The following ATP8B4 variants were observed in gnomAD, a reference collection of about 807,000 sequenced individuals.
ATP8B4 encodes the protein ATPase phospholipid transporting 8B4 (putative).
A neutral mutation model predicts 145.6 loss-of-function variants in ATP8B4; 133 were observed. The ratio of observed to expected loss-of-function variants is 0.91; its 90% CI spans 0.79 to 1.05. ATP8B4 has a LOEUF of 1.05. ATP8B4 is among the 50% of genes least tolerant of loss of function. The pLI, the probability that ATP8B4 is intolerant of heterozygous loss-of-function variation, is 0.00. For synonymous variants in ATP8B4, 507 were observed against 492.9 expected (o/e 1.03, Z -0.38); for missense variants, 1,458 against 1,425.2 (o/e 1.02, Z -0.37).
At chr15:49,891,481 C>T (rs947866296) in intron 23 of ATP8B4, among the ~76,000 whole-genome samples, 2 of 151,926 alleles carry the variant, frequency 1.3e-5, no homozygotes, top group Non-Finnish European at 2.9e-5. Flanking sequence ...ACGCTCCACC[C>T]CGTCCAGCTA....
intron 14 of ATP8B4, among the ~76,000 whole-genome samples, chr15:49,953,117 C>T (rs1468763351): frequency 6.6e-6 from 1 of 152,064 alleles, no homozygotes; most frequent in African/African-American, 2.4e-5. Context: ...CGAGGGGCAC[C>T]AACCTGATGC....
At chr15:50,057,361 T>G (rs1461820648) in intron 3 of ATP8B4, among the ~76,000 whole-genome samples, 1 of 152,224 alleles carries the variant, frequency 6.6e-6, no homozygotes, top group African/African-American at 2.4e-5. Context: ...TTGTGAGGGT[T>G]GCCCATAAAA....
chr15:49,923,602 AG>A (rs768070796), intron 16 of ATP8B4, 108 bp from the exon 17 acceptor site: 1 of 686,750 alleles, frequency 1.5e-6, no homozygotes, highest in Non-Finnish European at 2.4e-6. Flanking sequence ...ATAATGTTTT[AG>A]CCAGTAGTAA....
chr15:49,952,477 T>C (rs916645402), intron 14 of ATP8B4, among the ~76,000 whole-genome samples: 7 of 152,188 alleles, frequency 4.6e-5, no homozygotes, highest in African/African-American at 1.7e-4. Flanking sequence ...TTCTTCTGTT[T>C]AGTCAATTCG....
At chr15:49,898,021 A>T in intron 22 of ATP8B4, 47 bp downstream of exon 22, 1 of 1,590,106 alleles carries the variant, frequency 6.3e-7, no homozygotes, top group South Asian at 1.1e-5. Flanking sequence ...GCTGAAACTG[A>T]GGACCCCATG....
intron 1 of ATP8B4, among the ~76,000 whole-genome samples, chr15:50,132,263 T>C (rs1008913753): frequency 6.6e-6 from 1 of 152,194 alleles, no homozygotes; most frequent in Non-Finnish European, 1.5e-5. Context: ...ATTAATTAGA[T>C]ATGGATTCTT....
At chr15:50,019,646 T>G (rs2049373908) in intron 6 of ATP8B4, among the ~76,000 whole-genome samples, 1 of 152,232 alleles carries the variant, frequency 6.6e-6, no homozygotes, top group African/African-American at 2.4e-5. Flanking sequence ...TGACTGTCCA[T>G]GCTTTCTCCA....
chr15:49,932,981 A>C (rs1855375509), intron 15 of ATP8B4, among the ~76,000 whole-genome samples: 1 of 152,112 alleles, frequency 6.6e-6, no homozygotes, highest in Non-Finnish European at 1.5e-5. Flanking sequence ...TTCTGAATTC[A>C]CAATATCTAG....
chr15:49,876,536 T>C lies in ATP8B4; in HGVS notation c.2782-13A>G. 2 of 1,613,636 alleles carry C rather than the reference T, an allele frequency of 1.2e-6. No individual in the cohort carries two copies. The highest frequency in any genetic ancestry group is 8.5e-7 in the Non-Finnish European group (1 of 1,179,720). On this transcript the variant is annotated splice_polypyrimidine_tract_variant and intron_variant, in intron 24 of 27. Coordinates refer to ENST00000284509, the MANE Select transcript of ATP8B4 (RefSeq NM_024837.4). Reference sequence around the variant, plus strand: ...GGTCACTCACATCCTGTAAACAGAGTGTAATTTCAGTGGAGAAGGATTAAA... The same window carrying C: ...GGTCACTCACATCCTGTAAACAGAGCGTAATTTCAGTGGAGAAGGATTAAA...
chr15:50,150,404 T>C (rs2044333025), intron 1 of ATP8B4, among the ~76,000 whole-genome samples: 2 of 152,164 alleles, frequency 1.3e-5, no homozygotes, highest in South Asian at 4.1e-4. Context: ...TTCTGAGAAC[T>C]TTCACACTTC....
chr15:49,948,176 T>C (rs2042740756), intron 14 of ATP8B4, among the ~76,000 whole-genome samples: 1 of 151,792 alleles, frequency 6.6e-6, no homozygotes, highest in Non-Finnish European at 1.5e-5. Flanking sequence ...CAATGGCTTA[T>C]GCCTGTAATC....
chr15:49,903,557 G>A (rs893714934), intron 20 of ATP8B4, among the ~76,000 whole-genome samples: 1 of 152,188 alleles, frequency 6.6e-6, no homozygotes, highest in African/African-American at 2.4e-5. Context: ...AAAAAGAGTC[G>A]TTTAGTCAGT....
chr15:50,017,805 C>T (rs920674187), intron 6 of ATP8B4, among the ~76,000 whole-genome samples: 7 of 152,146 alleles, frequency 4.6e-5, no homozygotes, highest in Admixed American at 1.3e-4. Flanking sequence ...TCTGATTTTA[C>T]AGCACAAAGT....
At chr15:49,881,615 A>G (rs1244191609) in intron 23 of ATP8B4, among the ~76,000 whole-genome samples, 1 of 152,204 alleles carries the variant, frequency 6.6e-6, no homozygotes, top group Non-Finnish European at 1.5e-5. Context: ...ATGTGGCATG[A>G]GAGAACCTGC....
At chr15:49,886,232 C>T (rs2036170449) in intron 23 of ATP8B4, among the ~76,000 whole-genome samples, 1 of 152,022 alleles carries the variant, frequency 6.6e-6, no homozygotes, top group South Asian at 2.1e-4. Context: ...AGTCGGCAGA[C>T]AGAACTGTGT....
Position 49,972,711 on chromosome 15 carries a change from C to T in ATP8B4, c.1114G>A (p.Ala372Thr). 2 of 1,613,996 alleles carry T rather than the reference C, an allele frequency of 1.2e-6. No homozygotes were observed. Among genetic ancestry groups the T allele is most frequent in the South Asian group, 1.1e-5 (1 of 91,072 alleles). Residue 372 changes from alanine to threonine, a missense_variant, in exon 13 of 28, where the codon GCA (alanine) becomes ACA (threonine). Transcript: ENST00000284509. ...KMYYSRKAIPAVARTTTLNEE... is the reference protein window; with the variant it reads ...KMYYSRKAIPTVARTTTLNEE... ...TTGAGCGTGGTCGTTCGAGCCACTG[C>T]AGGTATTGCTTTTCGAGAATAATAC...
intron 1 of ATP8B4, among the ~76,000 whole-genome samples, chr15:50,112,155 G>A (rs2056978019): frequency 6.6e-6 from 1 of 152,238 alleles, no homozygotes; most frequent in East Asian, 1.9e-4. Flanking sequence ...TAGAGTGACA[G>A]AAAAGCAAAG....
At chr15:49,926,340 C>G (rs936908710) in intron 16 of ATP8B4, among the ~76,000 whole-genome samples, 3 of 152,136 alleles carry the variant, frequency 2.0e-5, no homozygotes, top group Non-Finnish European at 4.4e-5. Flanking sequence ...CTAGGCATCA[C>G]TCACAGTTCT....
intron 1 of ATP8B4, among the ~76,000 whole-genome samples, chr15:50,165,088 T>C (rs373407806): frequency 1.2e-4 from 19 of 152,132 alleles, no homozygotes; most frequent in South Asian, 1.0e-3. Context: ...CTCGCTCTGT[T>C]ACCCATGCTG....
Sources: gnomAD v4.1 joint callset for allele counts (sites outside exome capture counted in the v4.1 genomes callset) on GRCh38, gnomAD v4.1.1 for gene constraint, MANE v1.5 for transcripts, NCBI Gene and HGNC (gene_info 2026-07-23, HGNC 2026-07-21) for gene names.